The following FNBP4 variants were observed in gnomAD, a reference collection of about 807,000 sequenced individuals.
FNBP4 encodes formin-binding protein 4.
FNBP4 carries 34 observed loss-of-function variants against 119.3 expected under a neutral mutation model. That is an observed-to-expected ratio of 0.28 (90% CI 0.22 to 0.38). The LOEUF is 0.38. Among genes scored for constraint, FNBP4 ranks in the 10% least tolerant of loss-of-function variants. The pLI is 1.00. For missense variants in FNBP4, 1,112 were observed against 1,228.9 expected (o/e 0.90, Z 1.42); for synonymous variants, 462 against 430.6 (o/e 1.07, Z -0.90).
intron 8 of FNBP4, among the ~76,000 whole-genome samples, chr11:47,739,794 T>C (rs757323386): frequency 1.3e-5 from 2 of 152,172 alleles, no homozygotes; most frequent in Non-Finnish European, 2.9e-5. Flanking sequence ...CTTTTTCTTT[T>C]GAGATGGGAG....
chr11:47,742,015 C>A (rs758710895), intron 8 of FNBP4, among the ~76,000 whole-genome samples: 1 of 151,986 alleles, frequency 6.6e-6, no homozygotes, highest in Non-Finnish European at 1.5e-5. Context: ...AACCAATGAA[C>A]AATAATTTTT....
chr11:47,741,914 CA>C (rs1159391461), intron 8 of FNBP4, among the ~76,000 whole-genome samples: 3 of 151,958 alleles, frequency 2.0e-5, no homozygotes, highest in Non-Finnish European at 4.4e-5. Flanking sequence ...AGCACAAATG[CA>C]GCAATTTTTT....
intron 15 of FNBP4, among the ~76,000 whole-genome samples, chr11:47,722,145 T>C (rs747652231): frequency 2.3e-4 from 15 of 64,514 alleles, no homozygotes; most frequent in Non-Finnish European, 2.6e-4. Context: ...AAGCAGAGGG[T>C]TTTTTTTTTT....
rs369899212 is a variant in FNBP4 at position 47,746,052 on chromosome 11, T to C, written c.1245+4A>G. On this transcript the variant is annotated splice_donor_region_variant and intron_variant, in intron 7 of 16. Transcript: ENST00000263773. ...CATTCTACAAGTAACTTTCAAAAGC[T>C]TACTTTTTTCCTTTCCAAAACTAGC... 3.1e-6 allele frequency: 5 copies of C among 1,588,188 alleles called. No homozygotes were observed. In the African/African-American group the frequency reaches 4.1e-5, roughly 13 times the overall value.
chr11:47,765,225 G>GATT, intron 2 of FNBP4, 45 bp downstream of exon 2: 1 of 1,327,252 alleles, frequency 7.5e-7, no homozygotes, highest in East Asian at 2.3e-5. Context: ...TGACTTTAAT[G>GATT]AAAGACGTGG....
At chr11:47,763,572 C>G (rs1599271707) in intron 2 of FNBP4, among the ~76,000 whole-genome samples, 1 of 151,584 alleles carries the variant, frequency 6.6e-6, no homozygotes, top group Middle Eastern at 3.4e-3. Flanking sequence ...GTGATCTCGG[C>G]TCACTGCAAG....
At position 47,732,519 on chromosome 11, in the gene FNBP4, G is replaced by A. The variant is rs768205576; in HGVS notation, c.1820+18C>T. On this transcript the variant is annotated intron_variant, in intron 11 of 16. Coordinates refer to ENST00000263773, the MANE Select transcript of FNBP4 (RefSeq NM_015308.5). This position sits in a 1 kb window ranked among gnomAD's most constrained non-coding sequence, Gnocchi z 4.2. ...AGATGTCAAAGGTGAAAGGTGAAAA[G>A]GGGAGAAGAGTGCGTACCTGTCCCA... The A allele has an allele frequency of 3.1e-6, 5 of 1,613,868 alleles. No homozygotes were observed. In the Admixed American group the frequency reaches 8.3e-5, roughly 27 times the overall value.
intron 12 of FNBP4, among the ~76,000 whole-genome samples, chr11:47,727,835 T>G (rs1482982830): frequency 6.6e-6 from 1 of 152,202 alleles, no homozygotes; most frequent in Non-Finnish European, 1.5e-5. Flanking sequence ...TTTTGCTGTT[T>G]AAGAGAATAT....
At position 47,765,272 on chromosome 11, in the gene FNBP4, G is replaced by A; in HGVS notation, c.311C>T (p.Thr104Ile). The change falls in exon 2 of 17, where the codon ACA becomes ATA. Residue 104 changes from threonine (T) to isoleucine (I), a missense_variant and splice_region_variant. Physicochemically the swap from Thr to Ile is moderately conservative, Grantham distance 89 (BLOSUM62 -1). Coordinates refer to ENST00000263773, the MANE Select transcript of FNBP4 (RefSeq NM_015308.5). The stretch of plus-strand genomic sequence containing the variant: ...TAAAAAACAAAACAAAAGCATACCT[G>A]TTGCTTTAACAGCTGTGGGTCTAGT... ...MTTRPTAVKA[T>I]GGLCLLGAYA... The A allele has an allele frequency of 6.3e-7, 1 of 1,595,974 alleles. No individual in the cohort carries two copies. The highest frequency in any genetic ancestry group is 8.5e-7 in the Non-Finnish European group (1 of 1,171,976).
chr11:47,725,995 C>G (rs1365565162), intron 12 of FNBP4: 1 of 153,246 alleles, frequency 6.5e-6, no homozygotes, highest in African/African-American at 2.4e-5. Flanking sequence ...GATTCCTCAT[C>G]TGATACTTGC....
intron 7 of FNBP4, among the ~76,000 whole-genome samples, chr11:47,745,139 A>G (rs1227537312): frequency 6.6e-6 from 1 of 152,182 alleles, no homozygotes; most frequent in African/African-American, 2.4e-5. Flanking sequence ...TTGATTGTAA[A>G]ACGTGTTTGA....
chr11:47,729,088 G>A (rs1254078662), intron 12 of FNBP4: 1 of 862,242 alleles, frequency 1.2e-6, no homozygotes, highest in Non-Finnish European at 1.4e-6. Flanking sequence ...TTGACCTCAG[G>A]TGATCCACCC....
chr11:47,726,680 T>G (rs1170179802), intron 12 of FNBP4: 1 of 152,216 alleles, frequency 6.6e-6, no homozygotes, highest in Non-Finnish European at 1.5e-5. Flanking sequence ...TGGCCATATT[T>G]AATATTAATT....
chr11:47,722,144 GTTTTTTT>G (rs57726690), intron 15 of FNBP4, among the ~76,000 whole-genome samples: 1 of 133,570 alleles, frequency 7.5e-6, no homozygotes, highest in East Asian at 2.1e-4. Flanking sequence ...AAAGCAGAGG[GTTTTTTT>G]TTTTTTTGTC....
Position 47,767,173 on chromosome 11 carries a change from G to C in FNBP4, c.116C>G (p.Pro39Arg). Residue 39 changes from proline (P) to arginine (R), a missense_variant, in exon 1 of 17, where the codon CCG becomes CGG. Pro to Arg is a moderately radical substitution (Grantham distance 103). Coordinates refer to ENST00000263773, the MANE Select transcript of FNBP4 (RefSeq NM_015308.5). ...RDPEPEPDTE[P>R]DSTAAVPSQP... ...GCTGGGGACCGCCGCGGTTGAGTCC[G>C]GCTCAGTGTCGGGTTCCGGCTCCGG... 1.3e-6 allele frequency: 2 copies of C among 1,556,288 alleles called. No individual in the cohort carries two copies. The highest frequency in any genetic ancestry group is 1.4e-5 in the African/African-American group (1 of 73,020).
At chr11:47,766,926 G>A in intron 1 of FNBP4, 143 bp downstream of exon 1, 2 of 1,358,158 alleles carry the variant, frequency 1.5e-6, no homozygotes, top group Non-Finnish European at 1.9e-6. Flanking sequence ...CCGGAGCCCA[G>A]GGCCGCCCCG....
intron 7 of FNBP4, among the ~76,000 whole-genome samples, chr11:47,745,400 G>A (rs544511715): frequency 6.6e-5 from 10 of 152,124 alleles, no homozygotes; most frequent in East Asian, 1.9e-4. Flanking sequence ...ATAAACTGCC[G>A]CTCTGGGAAT....
At chr11:47,720,382 C>G (rs1452901863) in intron 15 of FNBP4, among the ~76,000 whole-genome samples, 1 of 151,964 alleles carries the variant, frequency 6.6e-6, no homozygotes. Context: ...TCCTGGCTAA[C>G]ATGGTGAAAC....
intron 2 of FNBP4, 99 bp from the exon 3 acceptor site, chr11:47,754,763 TA>T: frequency 7.4e-7 from 1 of 1,353,224 alleles, no homozygotes. Flanking sequence ...TAAACTTACT[TA>T]CAGATTAGAA....
Sources: gnomAD v4.1 joint callset for allele counts (sites outside exome capture counted in the v4.1 genomes callset) on GRCh38, gnomAD v4.1.1 for gene constraint, Gnocchi (gnomAD v3.1) non-coding constraint, MANE v1.5 for transcripts, NCBI Gene and HGNC (gene_info 2026-07-23, HGNC 2026-07-21) for gene names.